The following HMBOX1 variants were observed in gnomAD, a reference collection of about 807,000 sequenced individuals.
The protein encoded by HMBOX1 is homeobox containing 1.
A neutral mutation model predicts 54.5 loss-of-function variants in HMBOX1; 14 were observed. The observed-to-expected ratio is 0.26, with a 90% CI of 0.17 to 0.40. The LOEUF (loss-of-function observed/expected upper bound fraction) is 0.40, where lower values mean the gene tolerates loss of function less well. Among genes scored for constraint, HMBOX1 ranks in the 10% least tolerant of loss-of-function variants. HMBOX1 has a pLI of 1.00. For missense variants in HMBOX1, 332 were observed against 514.4 expected (o/e 0.65, Z 3.43); for synonymous variants, 160 against 181.0 (o/e 0.88, Z 0.93).
chr8:29,032,154 C>A (rs1688581127), intron 6 of HMBOX1, among the ~76,000 whole-genome samples: 1 of 151,970 alleles, frequency 6.6e-6, no homozygotes, highest in Non-Finnish European at 1.5e-5. Context: ...GAAGTAAGTT[C>A]TTTTAATAAC....
chr8:29,003,552 TTAAATATATA>T (rs1303652977), intron 4 of HMBOX1, among the ~76,000 whole-genome samples: 1 of 15,668 alleles, frequency 6.4e-5, no homozygotes, highest in African/African-American at 1.9e-4. Context: ...TTTTTCTGTA[TTAAATATATA>T]TATATATATA....
chr8:29,013,228 C>T (rs1181412322), intron 5 of HMBOX1, among the ~76,000 whole-genome samples: 3 of 152,108 alleles, frequency 2.0e-5, no homozygotes, highest in South Asian at 2.1e-4. Flanking sequence ...TTCTGCCTTT[C>T]GGGTTCAAGC....
chr8:28,904,473 C>T (rs1250922201), intron 1 of HMBOX1, among the ~76,000 whole-genome samples: 1 of 152,118 alleles, frequency 6.6e-6, no homozygotes, highest in African/African-American at 2.4e-5. Context: ...CCTTGTGATC[C>T]GCCCGCCTAG....
chr8:28,980,083 T>A lies in HMBOX1; in HGVS notation c.513T>A (p.Ser171Arg). The A allele has an allele frequency of 6.2e-7, 1 of 1,612,822 alleles. No individual in the cohort carries two copies. The highest frequency in any genetic ancestry group is 8.5e-7 in the Non-Finnish European group (1 of 1,178,882). ...KVEELMRRDSSVIKEEIKAFL... is the reference protein window; with the variant it reads ...KVEELMRRDSRVIKEEIKAFL... ...CTGTTTTTGTTAGGAGGGACAGCAG[T>A]GTGATAAAAGAGGAAATCAAAGCCT... The change falls in exon 4 of 10, where the codon AGT (serine) becomes AGA (arginine). Residue 171 changes from serine to arginine, a missense_variant. Physicochemically the swap from Ser to Arg is moderately radical, Grantham distance 110. This residue lies in a region of HMBOX1 where 117 missense variants were observed against 220.0 expected (regional missense o/e 0.53). Coordinates refer to ENST00000287701, the MANE Select transcript of HMBOX1 (RefSeq NM_001135726.3).
At chr8:28,906,719 G>A (rs1166634435) in intron 1 of HMBOX1, among the ~76,000 whole-genome samples, 4 of 152,030 alleles carry the variant, frequency 2.6e-5, no homozygotes, top group Non-Finnish European at 5.9e-5. Flanking sequence ...CCTCCCAGGT[G>A]GCTGGGATTA....
Position 29,018,833 on chromosome 8 carries a change from C to A in HMBOX1, c.771C>A (p.Val257=). 6.2e-7 allele frequency: 1 copy of A among 1,614,158 alleles called. No homozygotes were observed. The highest frequency in any genetic ancestry group is 8.5e-7 in the Non-Finnish European group (1 of 1,179,970). The change falls in exon 6 of 10, where the codon GTC becomes GTA. Residue 257 remains valine (V), a synonymous_variant. Transcript: ENST00000287701. The part of the protein sequence containing the change: ...DPEWRQTPPP[V]SATSGTFRLR... ...AATGGAGACAAACGCCTCCCCCAGT[C>A]TCTGCCACATCTGGTACTTTCCGAC...
At chr8:28,938,787 G>A (rs1482917744) in intron 1 of HMBOX1, among the ~76,000 whole-genome samples, 1 of 84,124 alleles carries the variant, frequency 1.2e-5, no homozygotes, top group African/African-American at 4.4e-5. Flanking sequence ...TTTATCTGGA[G>A]TAGTCTTTTT....
intron 1 of HMBOX1, among the ~76,000 whole-genome samples, chr8:28,926,100 AC>A (rs1818399600): frequency 6.6e-6 from 1 of 152,030 alleles, no homozygotes; most frequent in Admixed American, 6.6e-5. Flanking sequence ...GGAGATTGAG[AC>A]CAGACTGGGC....
At chr8:28,989,883 AC>A (rs1246002687) in intron 4 of HMBOX1, among the ~76,000 whole-genome samples, 29 of 151,966 alleles carry the variant, frequency 1.9e-4, no homozygotes, top group Non-Finnish European at 3.7e-4. Flanking sequence ...TTTTCTCTCA[AC>A]CATTTTAGTG....
chr8:28,956,317 A>C lies in HMBOX1; in HGVS notation c.-57-7494A>C, dbSNP rs140688039. ...CATGTTTTTTCCAGTTTAACTGCTT[A>C]AGTTTTTTTTTTCTTCATAATAGGA... On this transcript the variant is annotated intron_variant, in intron 1 of 9. Coordinates refer to ENST00000287701, the MANE Select transcript of HMBOX1 (RefSeq NM_001135726.3). 2.8e-3 allele frequency among the ~76,000 whole-genome samples: 422 copies of C among 151,836 alleles called. 4 individuals carry two copies. The highest frequency in any genetic ancestry group is 0.01 in the Middle Eastern group (3 of 292).
At chr8:28,968,805 C>G (rs1258757746) in intron 2 of HMBOX1, among the ~76,000 whole-genome samples, 1 of 152,074 alleles carries the variant, frequency 6.6e-6, no homozygotes, top group Non-Finnish European at 1.5e-5. Context: ...ATATTTGGCA[C>G]TAGAACAATA....
intron 1 of HMBOX1, among the ~76,000 whole-genome samples, chr8:28,928,369 G>A (rs1818914183): frequency 6.6e-6 from 1 of 152,166 alleles, no homozygotes. Flanking sequence ...ATAAGGATCA[G>A]CTGGTATGAT....
At chr8:28,968,526 C>T (rs1563489040) in intron 2 of HMBOX1, among the ~76,000 whole-genome samples, 1 of 152,144 alleles carries the variant, frequency 6.6e-6, no homozygotes, top group Non-Finnish European at 1.5e-5. Context: ...AATCCATCAA[C>T]ATAAAATGAA....
At chr8:29,046,821 A>G (rs1366751411) in intron 7 of HMBOX1, among the ~76,000 whole-genome samples, 1 of 152,142 alleles carries the variant, frequency 6.6e-6, no homozygotes, top group African/African-American at 2.4e-5. Context: ...ATCTCTACAA[A>G]AACCACAAAA....
chr8:28,929,022 T>G (rs538163813), intron 1 of HMBOX1, among the ~76,000 whole-genome samples: 1 of 152,370 alleles, frequency 6.6e-6, no homozygotes, highest in African/African-American at 2.4e-5. Flanking sequence ...AACTACATGA[T>G]GTTTGGTGAT....
chr8:28,945,144 GGTTAATGCTTCA>G (rs1438953404), intron 1 of HMBOX1, among the ~76,000 whole-genome samples: 1 of 152,190 alleles, frequency 6.6e-6, no homozygotes, highest in Non-Finnish European at 1.5e-5. Flanking sequence ...CTTTTAGAAA[GGTTAATGCTTCA>G]AACTTTCAAA....
intron 4 of HMBOX1, among the ~76,000 whole-genome samples, chr8:28,996,023 G>A (rs1001800126): frequency 1.3e-5 from 2 of 151,846 alleles, no homozygotes; most frequent in African/African-American, 2.4e-5. Context: ...GGAGAATGGC[G>A]TGAACCCGGG....
At chr8:29,005,784 T>G (rs1833364602) in intron 4 of HMBOX1, among the ~76,000 whole-genome samples, 1 of 152,140 alleles carries the variant, frequency 6.6e-6, no homozygotes, top group Non-Finnish European at 1.5e-5. Context: ...TATAGATTAG[T>G]CGTATCTGTT....
chr8:28,932,252 A>G (rs1341478883), intron 1 of HMBOX1, among the ~76,000 whole-genome samples: 1 of 152,250 alleles, frequency 6.6e-6, no homozygotes, highest in Non-Finnish European at 1.5e-5. Flanking sequence ...CAAATCTTAT[A>G]AGGCAGTATA....
Sources: gnomAD v4.1 joint callset for allele counts (sites outside exome capture counted in the v4.1 genomes callset) on GRCh38, gnomAD v4.1.1 for gene constraint, gnomAD v4.1.1 regional missense constraint, MANE v1.5 for transcripts, NCBI Gene and HGNC (gene_info 2026-07-23, HGNC 2026-07-21) for gene names.